BRD2: variants seen among roughly 807,000 people sequenced by gnomAD.
BRD2 encodes the protein bromodomain containing 2, also known as bromodomain-containing protein 2.
BRD2 carries 15 observed loss-of-function variants against 79.1 expected under a neutral mutation model. The observed-to-expected ratio is 0.19, with a 90% CI of 0.13 to 0.29. The LOEUF is 0.29. BRD2 is among the 10% of genes least tolerant of loss of function. The pLI is 1.00. For missense variants in BRD2, 1,053 were observed against 991.3 expected (o/e 1.06, Z -0.84); for synonymous variants, 488 against 358.6 (o/e 1.36, Z -4.08).
At chr6:32,977,268 A>C in intron 7 of BRD2, 174 bp from the exon 8 acceptor site, 1 of 1,557,224 alleles carries the variant, frequency 6.4e-7, no homozygotes, top group Non-Finnish European at 8.6e-7. Context: ...AGACATAAAT[A>C]TTTCTTCAAC....
Position 32,980,478 on chromosome 6 carries a change from T to G in BRD2, c.2269+14T>G. ...CCCCCAAGAAAGGTGAGTATATACT[T>G]TCATGCCACTACAGATTGACTCCAT... On this transcript the variant is annotated intron_variant, in intron 12 of 12. Coordinates refer to ENST00000374825, the MANE Select transcript of BRD2 (RefSeq NM_005104.4). The G allele has an allele frequency of 6.2e-7, 1 of 1,612,968 alleles. No homozygotes were observed. The highest frequency in any genetic ancestry group is 8.5e-7 in the Non-Finnish European group (1 of 1,179,978).
At position 32,980,335 on chromosome 6, in the gene BRD2, T is replaced by C. The variant is rs767167490; in HGVS notation, c.2147-7T>C. 6.2e-7 allele frequency: 1 copy of C among 1,612,462 alleles called. No individual in the cohort carries two copies. The highest frequency in any genetic ancestry group is 1.7e-5 in the Admixed American group (1 of 59,844). ...CTTAATGTATCCTGATAAATTTCTTTCATTAGCCATTAAGAAGCCTGTGGG... is the reference window on the plus strand; with the variant it reads ...CTTAATGTATCCTGATAAATTTCTTCCATTAGCCATTAAGAAGCCTGTGGG... On this transcript the variant is annotated splice_polypyrimidine_tract_variant and splice_region_variant and intron_variant, in intron 11 of 12. Coordinates refer to ENST00000374825, the MANE Select transcript of BRD2 (RefSeq NM_005104.4).
At chr6:32,974,377 G>C in intron 2 of BRD2, 85 bp from the exon 3 acceptor site, 2 of 1,396,922 alleles carry the variant, frequency 1.4e-6, no homozygotes, top group Non-Finnish European at 2.0e-6. Flanking sequence ...ACTAGGGCCA[G>C]CACCTGGATT....
intron 3 of BRD2, 59 bp downstream of exon 3, chr6:32,974,824 G>C: frequency 1.3e-6 from 2 of 1,574,294 alleles, no homozygotes; most frequent in South Asian, 1.2e-5. Flanking sequence ...GTGTGAATGG[G>C]GGTGGTCTGC....
chr6:32,972,917 C>G lies in BRD2; in HGVS notation c.19C>G (p.Pro7Ala). The G allele has an allele frequency of 6.2e-7, 1 of 1,614,060 alleles. No individual in the cohort carries two copies. Residue 7 changes from proline to alanine, a missense_variant, in exon 2 of 13, where the codon CCC (proline) becomes GCC (alanine). Transcript: ENST00000374825. ...GGTCAAGATGCTGCAAAACGTGACT[C>G]CCCACAATAAGTACGTTTCCGCGAG... MLQNVT[P>A]HNKLPGEGNA...
Position 32,976,737 on chromosome 6 carries a change from C to T in BRD2, c.1001C>T (p.Ser334Phe). 1.2e-6 allele frequency: 2 copies of T among 1,613,282 alleles called. No individual in the cohort carries two copies. Among genetic ancestry groups the T allele is most frequent in the Non-Finnish European group, 1.7e-6 (2 of 1,180,030 alleles). Residue 334 changes from serine to phenylalanine, a missense_variant, in exon 7 of 13, where the codon TCT becomes TTT. By Grantham distance (155) the Ser-to-Phe change is radical. Around this residue, in one of 5 missense-constraint regions of BRD2, gnomAD observed 454 missense variants for 430.5 expected, o/e 1.05. Coordinates refer to ENST00000374825, the MANE Select transcript of BRD2 (RefSeq NM_005104.4). The stretch of plus-strand genomic sequence containing the variant: ...CCCCCACGCAAAGACTTGCCTGACT[C>T]TCAGCAACAACACCAGAGCTCTAAG... ...IKPPRKDLPD[S>F]QQQHQSSKKG...
intron 2 of BRD2, among the ~76,000 whole-genome samples, chr6:32,973,711 T>TG (rs1778340566): frequency 6.6e-6 from 1 of 151,964 alleles, no homozygotes; most frequent in African/African-American, 2.4e-5. Context: ...TGTTGTGTAG[T>TG]GGGTGGGTGG....
rs146467304 is a variant in BRD2 at position 32,979,632 on chromosome 6, A to C, written c.1842-196A>C. On this transcript the variant is annotated intron_variant, in intron 10 of 12. Coordinates refer to ENST00000374825, the MANE Select transcript of BRD2 (RefSeq NM_005104.4). ...TACATTGTCTTTTTAAAGACATGTT[A>C]TTGCCTACTTACAGTCGAGCAAAAT... 2.1e-3 allele frequency: 1,180 copies of C among 558,098 alleles called. 13 individuals carry two copies. In the African/African-American group the frequency reaches 0.025, roughly 12 times the overall value. The allele number at this position is 558,098 out of a possible 1,614,324, so 34.6% of individuals were successfully genotyped here. A position where few individuals can be genotyped will look rare whatever the true frequency, so the allele number is the denominator to read the frequency against.
rs1001874955 is a variant in BRD2 at position 32,972,709 on chromosome 6, G to C, written c.-190G>C. The C allele has an allele frequency of 2.5e-6, 2 of 807,660 alleles. No homozygotes were observed. Among genetic ancestry groups the C allele is most frequent in the African/African-American group, 1.7e-5 (1 of 58,180 alleles). 50.0% of individuals were successfully genotyped at this position (807,660 alleles called of 1,614,324 possible). ...CGCCGTCTGCAGAGCGCGCCAAGCTGCCCGGAGCTCTCCGAGAGGCCCCAA... is the reference window on the plus strand; with the variant it reads ...CGCCGTCTGCAGAGCGCGCCAAGCTCCCCGGAGCTCTCCGAGAGGCCCCAA... On this transcript the variant is annotated 5_prime_UTR_variant, in exon 2 of 13. Transcript: ENST00000374825.
rs1291592504 is a variant in BRD2 at position 32,972,306 on chromosome 6, C to G, written c.-593C>G. On this transcript the variant is annotated 5_prime_UTR_variant, in exon 2 of 13. Coordinates refer to ENST00000374825, the MANE Select transcript of BRD2 (RefSeq NM_005104.4). ...GCCGCCATTACAATCCACCTCCATC[C>G]GCTTGGAAATGGCCTTCGTCCCGGC... is the stretch of plus-strand genomic sequence containing the variant. 2.5e-6 allele frequency: 1 copy of G among 395,296 alleles called. No individual in the cohort carries two copies. The highest frequency in any genetic ancestry group is 4.8e-6 in the Non-Finnish European group (1 of 207,432). 24.5% of individuals were successfully genotyped at this position (395,296 alleles called of 1,614,324 possible).
Position 32,972,089 on chromosome 6 carries a change from CGCGCGCGCGCGGAGGGGGT to C in BRD2, c.-808_-790del, listed in dbSNP as rs1778067261. On this transcript the variant is annotated 5_prime_UTR_variant, in exon 2 of 13. It introduces an in-frame stop codon into an upstream open reading frame of the 5' UTR. Coordinates refer to ENST00000374825, the MANE Select transcript of BRD2 (RefSeq NM_005104.4). ...CAGCTTCTTCACCCGCGTGAGCGAG[CGCGCGCGCGCGGAGGGGGT>C]GGGGAAAAGCTCAAGCAGGGTGGCG... 1.6e-6 allele frequency: 1 copy of C among 628,654 alleles called. No individual in the cohort carries two copies. Among genetic ancestry groups the C allele is most frequent in the East Asian group, 3.1e-5 (1 of 32,664 alleles). 38.9% of individuals were successfully genotyped at this position (628,654 alleles called of 1,614,324 possible). A position where few individuals can be genotyped will look rare whatever the true frequency, so the allele number is the denominator to read the frequency against.
At position 32,972,380 on chromosome 6, in the gene BRD2, G is replaced by A. The variant is rs1010312423; in HGVS notation, c.-519G>A. The A allele has an allele frequency of 2.0e-5, 6 of 299,988 alleles. No individual in the cohort carries two copies. The highest frequency in any genetic ancestry group is 3.2e-5 in the Non-Finnish European group (5 of 156,000). The allele number at this position is 299,988 out of a possible 1,614,324, so 18.6% of individuals were successfully genotyped here. The stretch of plus-strand genomic sequence containing the variant: ...TACAGACCCCCTAGAAGCCCCTGGA[G>A]CTCCCCTTTTTCGGGCCCCGCCCAA... On this transcript the variant is annotated 5_prime_UTR_variant, in exon 2 of 13. Coordinates refer to ENST00000374825, the MANE Select transcript of BRD2 (RefSeq NM_005104.4).
chr6:32,973,043 C>T (rs748850063), intron 2 of BRD2, 116 bp downstream of exon 2: 10 of 1,609,136 alleles, frequency 6.2e-6, no homozygotes, highest in Middle Eastern at 3.3e-4. Context: ...TGCGGCGCAG[C>T]TGTCGACTCG....
In BRD2 at chr6:32,977,665, T is replaced by C; in HGVS notation, c.1330-92T>C. ...CCTCAACGTGAGGGTCTCACTGTTC[T>C]GTACAGTTGTAAATTGGAGCTATAT... On this transcript the variant is annotated intron_variant, in intron 8 of 12. Coordinates refer to ENST00000374825, the MANE Select transcript of BRD2 (RefSeq NM_005104.4). 8 of 1,602,474 alleles carry C rather than the reference T, an allele frequency of 5.0e-6. No homozygotes were observed. The African/African-American group carries it at 5.3e-5, about 11-fold the overall frequency.
At chr6:32,978,435 T>G (rs747970979) in intron 10 of BRD2, 47 bp downstream of exon 10, 2 of 1,583,138 alleles carry the variant, frequency 1.3e-6, no homozygotes, top group Non-Finnish European at 1.7e-6. Context: ...TTTCTGTCTC[T>G]CTGGGGGATG....
At chr6:32,978,624 C>T (rs2127523310) in intron 10 of BRD2, 2 of 633,964 alleles carry the variant, frequency 3.2e-6, no homozygotes, top group Middle Eastern at 4.3e-4. Flanking sequence ...GATCATTGGG[C>T]CATTGGATTC....
rs1388732609 is a variant in BRD2 at position 32,979,964 on chromosome 6, G to C, written c.1978G>C (p.Glu660Gln). The change falls in exon 11 of 13, where the codon GAG (glutamate) becomes CAG (glutamine). Residue 660 changes from glutamate to glutamine, a missense_variant. Transcript: ENST00000374825. ...LSLDINKLPGEKLGRVVHIIQ... is the reference protein window; with the variant it reads ...LSLDINKLPGQKLGRVVHIIQ... ...CCTGGACATCAACAAATTACCTGGG[G>C]AGAAGCTGGGCCGAGTTGTGCATAT... 6.2e-7 allele frequency: 1 copy of C among 1,613,220 alleles called. No homozygotes were observed. The highest frequency in any genetic ancestry group is 8.5e-7 in the Non-Finnish European group (1 of 1,180,034).
At position 32,977,925 on chromosome 6, in the gene BRD2, G is replaced by A. The variant is rs12822; in HGVS notation, c.1498G>A (p.Glu500Lys). 3.7e-6 allele frequency: 6 copies of A among 1,605,792 alleles called. No homozygotes were observed. Among genetic ancestry groups the A allele is most frequent in the Non-Finnish European group, 5.1e-6 (6 of 1,175,434 alleles). ...TGAGGAAGAGGAGGAGGAAGATGAGGAGGACGAGGAGGAAGAAGAGAGTGA... is the reference window on the plus strand; with the variant it reads ...TGAGGAAGAGGAGGAGGAAGATGAGAAGGACGAGGAGGAAGAAGAGAGTGA... Reference protein sequence around the residue: ...SSEEEEEEDEEDEEEEESESS... With the variant: ...SSEEEEEEDEKDEEEEESESS... The change falls in exon 9 of 13, where the codon GAG becomes AAG. Residue 500 changes from glutamate (E) to lysine (K), a missense_variant. Physicochemically the swap from Glu to Lys is moderately conservative, Grantham distance 56 (BLOSUM62 1). Coordinates refer to ENST00000374825, the MANE Select transcript of BRD2 (RefSeq NM_005104.4).
chr6:32,975,430 A>G lies in BRD2; in HGVS notation c.380A>G (p.Lys127Arg), dbSNP rs1778610465. Residue 127 changes from lysine (K) to arginine (R), a missense_variant, in exon 4 of 13, where the codon AAG (lysine) becomes AGG (arginine). Lys to Arg is a conservative substitution (Grantham distance 26). This residue lies in a region of BRD2 where 413 missense variants were observed against 335.1 expected (regional missense o/e 1.23). Transcript: ENST00000374825. ...CAGCCTATGGACATGGGTACTATTAAGAGGAGACTTGAAAACAATTATTAT... is the reference window on the plus strand; with the variant it reads ...CAGCCTATGGACATGGGTACTATTAGGAGGAGACTTGAAAACAATTATTAT... ...IKQPMDMGTIKRRLENNYYWA... is the reference protein window; with the variant it reads ...IKQPMDMGTIRRRLENNYYWA... 6.2e-7 allele frequency: 1 copy of G among 1,611,362 alleles called. No individual in the cohort carries two copies. Among genetic ancestry groups the G allele is most frequent in the Non-Finnish European group, 8.5e-7 (1 of 1,178,572 alleles).
Sources: allele counts gnomAD v4.1 joint callset (sites outside exome capture counted in the v4.1 genomes callset), GRCh38; gene constraint gnomAD v4.1.1; regional missense constraint gnomAD v4.1.1; transcripts MANE v1.5; gene names NCBI Gene and HGNC (gene_info 2026-07-23, HGNC 2026-07-21).